The following CNRIP1 variants were observed in gnomAD, a reference collection of about 807,000 sequenced individuals.
The protein encoded by CNRIP1 is CB1 cannabinoid receptor-interacting protein 1.
In CNRIP1, 10 loss-of-function variants were observed where a neutral mutation model predicts 15.2. The ratio of observed to expected loss-of-function variants is 0.66; its 90% CI spans 0.41 to 1.12. The LOEUF (loss-of-function observed/expected upper bound fraction) is 1.12. CNRIP1 is among the 50% of genes most tolerant of loss of function. The pLI, the probability that CNRIP1 is intolerant of heterozygous loss-of-function variation, is 0.00. For synonymous variants in CNRIP1, 91 were observed against 83.2 expected (o/e 1.09, Z -0.51); for missense variants, 211 against 214.7 (o/e 0.98, Z 0.11).
At chr2:68,318,066 G>A (rs1672343029) in intron 1 of CNRIP1, among the ~76,000 whole-genome samples, 1 of 151,932 alleles carries the variant, frequency 6.6e-6, no homozygotes, top group Non-Finnish European at 1.5e-5. Flanking sequence ...AAGGTTGGCA[G>A]GAAAGAAGGG....
Position 68,293,515 on chromosome 2 carries a change from CA to C in CNRIP1, c.*346del. 1 of 1,008,734 alleles carries C rather than the reference CA, an allele frequency of 9.9e-7. No individual in the cohort carries two copies. Among genetic ancestry groups the C allele is most frequent in the Non-Finnish European group, 1.2e-6 (1 of 844,434 alleles). 62.5% of individuals were successfully genotyped at this position (1,008,734 alleles called of 1,614,324 possible). A position where few individuals can be genotyped will look rare whatever the true frequency, so the allele number is the denominator to read the frequency against. On this transcript the variant is annotated 3_prime_UTR_variant, in exon 3 of 3. Transcript: ENST00000263655. ...AAGGAGGAATCACTTAACTTGGAAA[CA>C]AAACACCAAAGTTAGTCAGTGGAAT... is the stretch of plus-strand genomic sequence containing the variant.
In CNRIP1 at chr2:68,296,872, C is replaced by T. The variant is rs564103769; in HGVS notation, c.331-2846G>A. Among the ~76,000 whole-genome samples the T allele has an allele frequency of 3.9e-5, 6 of 152,228 alleles. No homozygotes were observed. The South Asian group carries it at 1.2e-3, about 32-fold the overall frequency. On this transcript the variant is annotated intron_variant, in intron 2 of 2. Transcript: ENST00000263655. ...GCCAGTCTGGTCTTGAACTCCTGAC[C>T]TCGTGATCCACCCACCTCGGCCTCC...
At chr2:68,305,579 A>C (rs753106757) in intron 2 of CNRIP1, among the ~76,000 whole-genome samples, 13 of 149,350 alleles carry the variant, frequency 8.7e-5, no homozygotes, top group Non-Finnish European at 1.8e-4. Context: ...GCAGTTCACG[A>C]GGTCAGGAGA....
chr2:68,308,233 A>C (rs1290966197), intron 2 of CNRIP1, among the ~76,000 whole-genome samples: 1 of 151,252 alleles, frequency 6.6e-6, no homozygotes, highest in Non-Finnish European at 1.5e-5. Context: ...AACAAAAAAA[A>C]CCCCCGATGT....
chr2:68,306,680 C>T (rs368463284), intron 2 of CNRIP1, among the ~76,000 whole-genome samples: 1 of 151,724 alleles, frequency 6.6e-6, no homozygotes, highest in African/African-American at 2.4e-5. Flanking sequence ...ACTCGGGAGG[C>T]TGAGGCAGGA....
At chr2:68,302,190 T>C (rs962227067) in intron 2 of CNRIP1, among the ~76,000 whole-genome samples, 2 of 152,216 alleles carry the variant, frequency 1.3e-5, no homozygotes, top group Non-Finnish European at 2.9e-5. Flanking sequence ...CTTATGATTA[T>C]CTCTTACACA....
At chr2:68,306,884 A>G (rs1024197464) in intron 2 of CNRIP1, among the ~76,000 whole-genome samples, 1 of 152,168 alleles carries the variant, frequency 6.6e-6, no homozygotes, top group African/African-American at 2.4e-5. Flanking sequence ...CACACCAAAC[A>G]GGACAGAAGG....
intron 1 of CNRIP1, among the ~76,000 whole-genome samples, chr2:68,318,564 C>T (rs892531315): frequency 6.6e-6 from 1 of 152,196 alleles, no homozygotes; most frequent in Non-Finnish European, 1.5e-5. Context: ...TCCCAGGCAC[C>T]ATCACCAGCC....
chr2:68,312,582 T>A (rs1001051310), intron 2 of CNRIP1, among the ~76,000 whole-genome samples: 1 of 152,156 alleles, frequency 6.6e-6, no homozygotes, highest in Non-Finnish European at 1.5e-5. Context: ...CCATTTCTAT[T>A]TAGCAGCATA....
downstream of CNRIP1, among the ~76,000 whole-genome samples, chr2:68,291,878 CAAAAAAAA>C (rs527648471): frequency 7.1e-5 from 6 of 85,056 alleles, no homozygotes; most frequent in Admixed American, 7.7e-4. Context: ...GACTCCATCT[CAAAAAAAA>C]AAAAAAAAAA....
intron 2 of CNRIP1, among the ~76,000 whole-genome samples, chr2:68,301,491 T>C (rs1444233497): frequency 6.6e-6 from 1 of 152,190 alleles, no homozygotes; most frequent in Non-Finnish European, 1.5e-5. Context: ...ACTGCCCCTA[T>C]TCAGCATTGC....
At chr2:68,300,561 G>C (rs996416676) in intron 2 of CNRIP1, among the ~76,000 whole-genome samples, 1 of 151,936 alleles carries the variant, frequency 6.6e-6, no homozygotes, top group African/African-American at 2.4e-5. Context: ...AGGTTGCAGT[G>C]AGCTGAGATC....
chr2:68,319,480 GGCGGAGAGGAAGC>G lies in CNRIP1; in HGVS notation c.-93_-81del, dbSNP rs1672414577. 3 of 1,379,562 alleles carry G rather than the reference GGCGGAGAGGAAGC, an allele frequency of 2.2e-6. No individual in the cohort carries two copies. In the African/African-American group the frequency reaches 4.5e-5, roughly 21 times the overall value. 85.5% of individuals were successfully genotyped at this position (1,379,562 alleles called of 1,614,324 possible). A position where few individuals can be genotyped will look rare whatever the true frequency, so the allele number is the denominator to read the frequency against. ...GCGGCCGAGTGGCTGGAGCGCGAGGGGCGGAGAGGAAGCGCGGGGAGGGTGAGGGAGGTGGTGG... is the reference window on the plus strand; with the variant it reads ...GCGGCCGAGTGGCTGGAGCGCGAGGGGCGGGGAGGGTGAGGGAGGTGGTGG... On this transcript the variant is annotated 5_prime_UTR_variant, in exon 1 of 3. Transcript: ENST00000263655.
At chr2:68,295,820 A>G (rs1415439993) in intron 2 of CNRIP1, among the ~76,000 whole-genome samples, 3 of 152,238 alleles carry the variant, frequency 2.0e-5, no homozygotes, top group Non-Finnish European at 2.9e-5. Flanking sequence ...TGGTGGTTAC[A>G]TGGCTGTACA....
chr2:68,314,916 AAGAGTT>A (rs972480315), intron 2 of CNRIP1, among the ~76,000 whole-genome samples: 7 of 152,114 alleles, frequency 4.6e-5, no homozygotes, highest in African/African-American at 1.7e-4. Flanking sequence ...ATGAGACCAT[AAGAGTT>A]CAGATGAAAA....
At chr2:68,303,350 G>A (rs1314872706) in intron 2 of CNRIP1, among the ~76,000 whole-genome samples, 1 of 152,186 alleles carries the variant, frequency 6.6e-6, no homozygotes, top group South Asian at 2.1e-4. Flanking sequence ...CACTGGGTAA[G>A]TGTGGAGAAG....
At chr2:68,315,974 T>G (rs1484814098) in intron 2 of CNRIP1, 1 of 152,216 alleles carries the variant, frequency 6.6e-6, no homozygotes. Context: ...CTTGCAGGAA[T>G]TATACATTTC....
rs61586261 is a variant in CNRIP1 at position 68,306,124 on chromosome 2, C to CAAAAAAAAAAAAAAA, written c.330+11018_330+11032dup. 2.5e-3 allele frequency among the ~76,000 whole-genome samples: 63 copies of CAAAAAAAAAAAAAAA among 25,342 alleles called. 8 individuals are homozygous for CAAAAAAAAAAAAAAA. Among genetic ancestry groups the CAAAAAAAAAAAAAAA allele is most frequent in the Non-Finnish European group, 3.2e-3 (45 of 14,272 alleles). The allele number at this position is 25,342 out of a possible 152,430, so 16.6% of individuals were successfully genotyped here. A position where few individuals can be genotyped will look rare whatever the true frequency, so the allele number is the denominator to read the frequency against. On this transcript the variant is annotated intron_variant, in intron 2 of 2. Transcript: ENST00000263655. ...CTGGGCAGCAGAGACCCCACCTCTA[C>CAAAAAAAAAAAAAAA]AAAAAAAAAAAAAAAAAAAAAAAAA...
intron 2 of CNRIP1, among the ~76,000 whole-genome samples, chr2:68,309,620 A>G (rs1419568814): frequency 1.3e-5 from 2 of 152,206 alleles, no homozygotes; most frequent in Admixed American, 6.5e-5. Flanking sequence ...TGCCTATCTT[A>G]TCACATTACC....
Sources: allele counts gnomAD v4.1 joint callset (sites outside exome capture counted in the v4.1 genomes callset), GRCh38; gene constraint gnomAD v4.1.1; transcripts MANE v1.5; gene names NCBI Gene and HGNC (gene_info 2026-07-23, HGNC 2026-07-21).